Variants in SEMA5B observed in about 807,000 individuals in gnomAD.
SEMA5B encodes the protein semaphorin-5B.
Under a neutral mutation model 135.0 loss-of-function variants are expected in SEMA5B, and 66 were observed. That is an observed-to-expected ratio of 0.49 (90% CI 0.40 to 0.60). The LOEUF (loss-of-function observed/expected upper bound fraction) is 0.60. SEMA5B is among the 20% of genes least tolerant of loss of function. SEMA5B has a pLI of 0.00. For missense variants in SEMA5B, 1,501 were observed against 1,566.3 expected (o/e 0.96, Z 0.70); for synonymous variants, 690 against 639.5 (o/e 1.08, Z -1.19).
intron 1 of SEMA5B, among the ~76,000 whole-genome samples, chr3:123,001,875 C>G (rs1424426432): frequency 6.6e-6 from 1 of 152,204 alleles, no homozygotes; most frequent in Non-Finnish European, 1.5e-5. Flanking sequence ...AAGGTGCATG[C>G]TGGGAGCTGC....
chr3:122,936,210 T>C (rs561550140), intron 5 of SEMA5B, among the ~76,000 whole-genome samples: 128 of 152,286 alleles, frequency 8.4e-4, no homozygotes, highest in African/African-American at 2.7e-3. Context: ...CTAGTAACAG[T>C]AGCTGTGTGG....
At chr3:123,005,475 C>A (rs566815007) in intron 1 of SEMA5B, among the ~76,000 whole-genome samples, 2 of 152,292 alleles carry the variant, frequency 1.3e-5, no homozygotes, top group African/African-American at 4.8e-5. Flanking sequence ...GATCCTCTCA[C>A]CTCAGCCTTC....
chr3:122,992,454 T>C (rs1478976903), intron 1 of SEMA5B, among the ~76,000 whole-genome samples: 1 of 152,186 alleles, frequency 6.6e-6, no homozygotes, highest in African/African-American at 2.4e-5. Context: ...CTGGAGCACC[T>C]GTGGGTGTGG....
At chr3:123,026,337 C>G (rs1328705930) in intron 1 of SEMA5B, among the ~76,000 whole-genome samples, 1 of 152,100 alleles carries the variant, frequency 6.6e-6, no homozygotes, top group East Asian at 1.9e-4. Context: ...TGGGCAGGAT[C>G]GCAGGGGTGC....
chr3:122,911,227 G>C, intron 21 of SEMA5B, 182 bp from the exon 22 acceptor site: 1 of 1,070,808 alleles, frequency 9.3e-7, no homozygotes, highest in South Asian at 1.6e-5. Flanking sequence ...TCTTTCACAA[G>C]GTACCCTGTG....
intron 12 of SEMA5B, among the ~76,000 whole-genome samples, chr3:122,917,414 A>G (rs1038518135): frequency 1.3e-5 from 2 of 152,186 alleles, no homozygotes; most frequent in Non-Finnish European, 2.9e-5. Context: ...GGCTAAAGAG[A>G]TACACCAAGA....
chr3:123,011,128 C>A lies in SEMA5B; in HGVS notation c.-39+16336G>T, dbSNP rs572541886. 8.5e-5 allele frequency among the ~76,000 whole-genome samples: 13 copies of A among 152,314 alleles called. No homozygotes were observed. In the South Asian group the frequency reaches 1.5e-3, roughly 17 times the overall value. ...ATGTAACAGCTGAGCCCCTTCCCCCCAAAGCTGCCATCTCACGACCCTCAC... is the reference window on the plus strand; with the variant it reads ...ATGTAACAGCTGAGCCCCTTCCCCCAAAAGCTGCCATCTCACGACCCTCAC... On this transcript the variant is annotated intron_variant, in intron 1 of 22. Transcript: ENST00000357599.
At chr3:123,024,241 T>C (rs1942751536) in intron 1 of SEMA5B, among the ~76,000 whole-genome samples, 1 of 152,192 alleles carries the variant, frequency 6.6e-6, no homozygotes, top group Admixed American at 6.5e-5. Context: ...AATAGCATCA[T>C]CTTCCTAAAT....
At chr3:122,951,835 C>G (rs752996368) in intron 2 of SEMA5B, among the ~76,000 whole-genome samples, 2 of 152,202 alleles carry the variant, frequency 1.3e-5, no homozygotes, top group Non-Finnish European at 2.9e-5. Flanking sequence ...TTTGCCCCAA[C>G]CCTTCCTCTC....
chr3:123,007,983 T>C (rs1051778118), intron 1 of SEMA5B, among the ~76,000 whole-genome samples: 1 of 152,230 alleles, frequency 6.6e-6, no homozygotes, highest in Non-Finnish European at 1.5e-5. Flanking sequence ...TGTCAAAGTA[T>C]AATTTTCAAA....
At chr3:123,014,208 G>A (rs1282851668) in intron 1 of SEMA5B, among the ~76,000 whole-genome samples, 1 of 152,208 alleles carries the variant, frequency 6.6e-6, no homozygotes, top group East Asian at 1.9e-4. Flanking sequence ...CCAGAAAGGG[G>A]TCTGAGGTGG....
At chr3:122,986,629 T>G (rs1042562077) in intron 1 of SEMA5B, among the ~76,000 whole-genome samples, 4 of 132,658 alleles carry the variant, frequency 3.0e-5, no homozygotes, top group Non-Finnish European at 6.6e-5. Context: ...GTGTGTGGTG[T>G]GTAAGTGTGC....
chr3:123,007,647 C>G (rs903359776), intron 1 of SEMA5B, among the ~76,000 whole-genome samples: 12 of 152,148 alleles, frequency 7.9e-5, no homozygotes, highest in Admixed American at 7.2e-4. Context: ...TAAGTGAGCA[C>G]ATTTGCATGC....
intron 1 of SEMA5B, chr3:122,975,882 A>G: frequency 1.5e-6 from 2 of 1,344,268 alleles, no homozygotes; most frequent in Admixed American, 4.5e-5. Flanking sequence ...CTGCATAGCA[A>G]GGACTCTCCA....
intron 12 of SEMA5B, among the ~76,000 whole-genome samples, chr3:122,916,423 C>T (rs141288176): frequency 4.0e-4 from 61 of 152,282 alleles, no homozygotes; most frequent in Non-Finnish European, 8.2e-4. Context: ...AATACCCGAG[C>T]CCACCCCACT....
intron 1 of SEMA5B, among the ~76,000 whole-genome samples, chr3:122,966,754 T>C (rs983149349): frequency 1.2e-4 from 18 of 150,222 alleles, no homozygotes; most frequent in South Asian, 8.4e-4. Flanking sequence ...GAGACGGGGT[T>C]TCACCATGTT....
chr3:122,912,482 TCCACTGTTAGGGAGTGCCC>T, intron 18 of SEMA5B, 140 bp from the exon 19 acceptor site: 1 of 801,264 alleles, frequency 1.2e-6, no homozygotes, highest in Non-Finnish European at 1.9e-6. Flanking sequence ...CACCCAACAG[TCCACTGTTAGGGAGTGCCC>T]CCACTCCATG....
At chr3:123,020,931 C>A (rs113464662) in intron 1 of SEMA5B, among the ~76,000 whole-genome samples, 1 of 152,226 alleles carries the variant, frequency 6.6e-6, no homozygotes, top group African/African-American at 2.4e-5. Context: ...GAAAGTCTCA[C>A]TCTGGAACCT....
chr3:122,965,936 G>C (rs111541595), intron 1 of SEMA5B, among the ~76,000 whole-genome samples: 19 of 152,304 alleles, frequency 1.2e-4, no homozygotes, highest in African/African-American at 4.6e-4. Flanking sequence ...CAGACAGTGG[G>C]AGCTCAGCCG....
Sources: allele counts gnomAD v4.1 joint callset (sites outside exome capture counted in the v4.1 genomes callset), GRCh38; gene constraint gnomAD v4.1.1; transcripts MANE v1.5; gene names NCBI Gene and HGNC (gene_info 2026-07-23, HGNC 2026-07-21).